The following CIB1 variants were observed in gnomAD, a reference collection of about 807,000 sequenced individuals.
CIB1 encodes the protein calcium and integrin-binding protein 1.
CIB1 carries 19 observed loss-of-function variants against 25.0 expected under a neutral mutation model. That is an observed-to-expected ratio of 0.76 (90% CI 0.53 to 1.12). The LOEUF (loss-of-function observed/expected upper bound fraction) is 1.12. Among genes scored for constraint, CIB1 ranks in the 50% most tolerant of loss-of-function variants. CIB1 has a pLI of 0.00. For synonymous variants in CIB1, 104 were observed against 98.5 expected (o/e 1.06, Z -0.33); for missense variants, 236 against 242.6 (o/e 0.97, Z 0.18).
the CIB1 span, among the ~76,000 whole-genome samples, chr15:90,254,096 G>T: frequency 6.6e-6 from 1 of 152,090 alleles, no homozygotes. Flanking sequence ...GATCAATTCA[G>T]GTCAGGAGTT....
At chr15:90,245,498 G>A in the CIB1 span, 1 of 146,002 alleles carries the variant, frequency 6.8e-6, no homozygotes, top group African/African-American at 2.5e-5. Flanking sequence ...GAAAAAAACA[G>A]TTTACCATTC....
At chr15:90,241,180 C>T in the CIB1 span, 2 of 1,614,150 alleles carry the variant, frequency 1.2e-6, no homozygotes, top group Non-Finnish European at 1.7e-6. Context: ...CTCCCTGGTG[C>T]TGTGGGTTTC....
chr15:90,255,988 T>C, the CIB1 span: 1 of 1,580,322 alleles, frequency 6.3e-7, no homozygotes, highest in East Asian at 2.2e-5. Flanking sequence ...GGGATGGAAG[T>C]GGAATGAGAA....
chr15:90,256,031 G>C, the CIB1 span: 13 of 1,558,026 alleles, frequency 8.3e-6, no homozygotes, highest in African/African-American at 1.2e-4. Context: ...GAGGGTCTGA[G>C]ACTGAGTGCT....
At chr15:90,241,185 G>A in the CIB1 span, 9 of 1,614,182 alleles carry the variant, frequency 5.6e-6, no homozygotes, top group South Asian at 1.1e-5. Flanking sequence ...TGGTGCTGTG[G>A]GTTTCGTGGC....
the CIB1 span, chr15:90,264,827 GCATCTGACT>G: frequency 1.3e-6 from 2 of 1,535,826 alleles, no homozygotes; most frequent in Admixed American, 3.9e-5. Context: ...GGAAAGAGTG[GCATCTGACT>G]CATGGACTGA....
rs1176239102 is a variant in CIB1, at chr15:90,230,386, A to G, written c.*98T>C. 4.2e-6 allele frequency: 6 copies of G among 1,445,550 alleles called. No homozygotes were observed. Among genetic ancestry groups the G allele is most frequent in the Non-Finnish European group, 4.7e-6 (5 of 1,056,624 alleles). 89.5% of individuals were successfully genotyped at this position (1,445,550 alleles called of 1,614,324 possible). ...CACAGCGCCAGCTCCAGGCTGGGCCAGCTTGGCCCGCACTGGCAACACAGG... is the reference window on the plus strand; with the variant it reads ...CACAGCGCCAGCTCCAGGCTGGGCCGGCTTGGCCCGCACTGGCAACACAGG... On this transcript the variant is annotated 3_prime_UTR_variant, in exon 7 of 7. Coordinates refer to ENST00000328649, the MANE Select transcript of CIB1 (RefSeq NM_006384.4).
the CIB1 span, chr15:90,263,320 G>T: frequency 1.7e-6 from 1 of 580,926 alleles, no homozygotes; most frequent in Admixed American, 3.3e-5. Flanking sequence ...TTTTGCGTCT[G>T]TTCCCAAGCT....
chr15:90,250,607 C>T, the CIB1 span: 547 of 1,606,240 alleles, frequency 3.4e-4, no homozygotes, highest in Non-Finnish European at 4.3e-4. Context: ...ATTCCCACCC[C>T]GCAACCCCTC....
chr15:90,263,365 G>C, the CIB1 span: 1 of 521,252 alleles, frequency 1.9e-6, no homozygotes. Flanking sequence ...GCAAGTTGCA[G>C]CTCCAAACCT....
the CIB1 span, chr15:90,262,713 G>C: frequency 5.3e-5 from 76 of 1,439,104 alleles, no homozygotes; most frequent in Non-Finnish European, 6.6e-5. Context: ...AGGAAAATGG[G>C]TTGGGACAAC....
the CIB1 span, chr15:90,259,145 T>G: frequency 9.1e-7 from 1 of 1,102,670 alleles, no homozygotes; most frequent in Admixed American, 3.0e-5. Flanking sequence ...GGAGGATTGC[T>G]TGAGCCCTAG....
At chr15:90,263,624 T>G in the CIB1 span, 1 of 587,968 alleles carries the variant, frequency 1.7e-6, no homozygotes, top group East Asian at 2.8e-5. Flanking sequence ...CCCAAAGGAG[T>G]ATCTGGTTAA....
the CIB1 span, among the ~76,000 whole-genome samples, chr15:90,261,083 C>CT: frequency 0.013 from 1,879 of 140,884 alleles, 33 homozygotes; most frequent in African/African-American, 0.031. Flanking sequence ...TTCTTGTTTT[C>CT]TTTTTTTTTT....
the CIB1 span, among the ~76,000 whole-genome samples, chr15:90,264,224 C>T: frequency 1.3e-5 from 2 of 152,218 alleles, no homozygotes; most frequent in East Asian, 3.9e-4. Context: ...CAAGGTCACG[C>T]TCTGTCGCCA....
chr15:90,244,209 G>C, the CIB1 span: 1 of 152,188 alleles, frequency 6.6e-6, no homozygotes, highest in African/African-American at 2.4e-5. Flanking sequence ...CCAGTCAGTG[G>C]TTCCCATGGT....
Position 90,230,378 on chromosome 15 carries a change from G to T in CIB1, c.*106C>A. The T allele has an allele frequency of 7.2e-7, 1 of 1,381,580 alleles. No individual in the cohort carries two copies. Among genetic ancestry groups the T allele is most frequent in the Non-Finnish European group, 1.0e-6 (1 of 996,472 alleles). 85.6% of individuals were successfully genotyped at this position (1,381,580 alleles called of 1,614,324 possible). ...TGAGGCTGCACAGCGCCAGCTCCAG[G>T]CTGGGCCAGCTTGGCCCGCACTGGC... is the stretch of plus-strand genomic sequence containing the variant. On this transcript the variant is annotated 3_prime_UTR_variant, in exon 7 of 7. Transcript: ENST00000328649.
the CIB1 span, chr15:90,250,801 G>A: frequency 6.2e-7 from 1 of 1,614,154 alleles, no homozygotes; most frequent in East Asian, 2.2e-5. Context: ...CACCCATTAT[G>A]GCCACAAAAA....
chr15:90,231,667 C>T (rs367612323), intron 3 of CIB1, among the ~76,000 whole-genome samples, 160 bp from the exon 4 acceptor site: 8 of 152,274 alleles, frequency 5.3e-5, no homozygotes, highest in African/African-American at 1.9e-4. Flanking sequence ...AGTGGGGGCA[C>T]AGGAAAGCAA....
Sources: allele counts gnomAD v4.1 joint callset (sites outside exome capture counted in the v4.1 genomes callset), GRCh38; gene constraint gnomAD v4.1.1; transcripts MANE v1.5; gene names NCBI Gene and HGNC (gene_info 2026-07-23, HGNC 2026-07-21).